The following SLC25A26 variants were observed in gnomAD, a reference collection of about 807,000 sequenced individuals.
SLC25A26 encodes solute carrier family 25 member 26.
A neutral mutation model predicts 37.8 loss-of-function variants in SLC25A26; 36 were observed. The observed-to-expected ratio is 0.95, with a 90% CI of 0.73 to 1.26. The LOEUF (loss-of-function observed/expected upper bound fraction) is 1.26. SLC25A26 is among the 50% of genes most tolerant of loss of function. The pLI is 0.00. For missense variants in SLC25A26, 390 were observed against 331.1 expected (o/e 1.18, Z -1.38); for synonymous variants, 129 against 122.5 (o/e 1.05, Z -0.35).
intron 1 of SLC25A26, among the ~76,000 whole-genome samples, chr3:66,157,160 G>C (rs1218371605): frequency 6.6e-6 from 1 of 152,172 alleles, no homozygotes; most frequent in African/African-American, 2.4e-5. Flanking sequence ...CTTGGGCCTG[G>C]GAGGTCGAGG....
intron 7 of SLC25A26, among the ~76,000 whole-genome samples, chr3:66,368,901 C>A (rs1700180609): frequency 6.6e-6 from 1 of 151,626 alleles, no homozygotes; most frequent in South Asian, 2.1e-4. Flanking sequence ...AGCTGTAGTC[C>A]CAGCTACTCA....
chr3:66,371,813 A>C (rs1195432396), intron 9 of SLC25A26, among the ~76,000 whole-genome samples: 1 of 152,128 alleles, frequency 6.6e-6, no homozygotes, highest in Non-Finnish European at 1.5e-5. Context: ...AAAGGTGCTT[A>C]GGGGCCGGGT....
chr3:66,310,603 ATT>A (rs1250606986), intron 5 of SLC25A26, among the ~76,000 whole-genome samples: 1 of 152,018 alleles, frequency 6.6e-6, no homozygotes, highest in Non-Finnish European at 1.5e-5. Flanking sequence ...GGTCTTTACA[ATT>A]TGTTGTTTTT....
At chr3:66,267,620 A>G (rs2073803913) in intron 5 of SLC25A26, among the ~76,000 whole-genome samples, 1 of 152,182 alleles carries the variant, frequency 6.6e-6, no homozygotes. Flanking sequence ...CATTTTAATA[A>G]CAAATAACTC....
chr3:66,317,689 C>G (rs1198521460), intron 5 of SLC25A26, among the ~76,000 whole-genome samples: 1 of 152,168 alleles, frequency 6.6e-6, no homozygotes, highest in Non-Finnish European at 1.5e-5. Context: ...GCTGCCCTGA[C>G]TCTCCAGAGC....
chr3:66,206,792 A>G (rs1432130826), intron 1 of SLC25A26, among the ~76,000 whole-genome samples: 2 of 144,316 alleles, frequency 1.4e-5, no homozygotes, highest in Non-Finnish European at 3.0e-5. Flanking sequence ...TGTAACCTCC[A>G]CCTCTTGGCC....
intron 1 of SLC25A26, among the ~76,000 whole-genome samples, chr3:66,148,224 A>T (rs2106684149): frequency 6.6e-6 from 1 of 152,188 alleles, no homozygotes; most frequent in Middle Eastern, 3.4e-3. Flanking sequence ...TCCTTTGCCC[A>T]CTTTTTGATG....
intron 3 of SLC25A26, among the ~76,000 whole-genome samples, chr3:66,245,658 T>C (rs1399171833): frequency 6.6e-6 from 1 of 152,242 alleles, no homozygotes; most frequent in Non-Finnish European, 1.5e-5. Flanking sequence ...GATGCACTTT[T>C]TTTCTTTAGG....
chr3:66,352,041 G>A (rs2076464844), intron 6 of SLC25A26, among the ~76,000 whole-genome samples: 1 of 151,888 alleles, frequency 6.6e-6, no homozygotes, highest in South Asian at 2.1e-4. Flanking sequence ...CTGAGCTCAG[G>A]AGTTTGAGAC....
Position 66,370,438 on chromosome 3 carries a change from C to T in SLC25A26, c.634-91C>T, listed in dbSNP as rs59621621. On this transcript the variant is annotated intron_variant, in intron 8 of 9. Transcript: ENST00000354883. The stretch of plus-strand genomic sequence containing the variant: ...GACACTGTGTTCTAGATGAGGGTGA[C>T]GGGGAGCTGTGTGTCTGAGGATATC... The T allele has an allele frequency of 0.075, 76,166 of 1,012,074 alleles. 3,534 individuals carry two copies. The highest frequency in any genetic ancestry group is 0.19 in the African/African-American group (11,807 of 63,466). 62.7% of individuals were successfully genotyped at this position (1,012,074 alleles called of 1,614,324 possible).
chr3:66,282,131 C>A (rs2074366599), intron 5 of SLC25A26, among the ~76,000 whole-genome samples: 1 of 151,648 alleles, frequency 6.6e-6, no homozygotes, highest in Admixed American at 6.6e-5. Context: ...CCTGCCTCAG[C>A]CTCCCGAGTA....
At chr3:66,178,322 A>C (rs985999941) in intron 1 of SLC25A26, among the ~76,000 whole-genome samples, 3 of 152,150 alleles carry the variant, frequency 2.0e-5, no homozygotes, top group African/African-American at 7.2e-5. Flanking sequence ...TGGAAGGGAT[A>C]GTCTGAAGTG....
In SLC25A26 at chr3:66,143,858, G is replaced by A. The variant is rs149532082; in HGVS notation, c.-354+9874G>A. 7.7e-3 allele frequency among the ~76,000 whole-genome samples: 1,174 copies of A among 152,244 alleles called. 13 individuals carry two copies. The highest frequency in any genetic ancestry group is 0.027 in the African/African-American group (1,109 of 41,540). On this transcript the variant is annotated intron_variant, in intron 1 of 10. Coordinates refer to the SLC25A26 transcript ENST00000676754. ...ATCGTGCCAGTGCACTCCAGCCTGG[G>A]CAACAGAGTAAGACCCTGTCTCAAA...
chr3:66,261,653 A>AT (rs1228871932), intron 3 of SLC25A26: 1 of 178,938 alleles, frequency 5.6e-6, no homozygotes, highest in East Asian at 1.8e-4. Flanking sequence ...CTACGGATGT[A>AT]TGCATTACTT....
At chr3:66,298,875 T>C (rs777262589) in intron 5 of SLC25A26, among the ~76,000 whole-genome samples, 1 of 152,252 alleles carries the variant, frequency 6.6e-6, no homozygotes, top group Non-Finnish European at 1.5e-5. Context: ...ATAGGTTGTT[T>C]CTATTTCATG....
chr3:66,206,640 A>G (rs1238145243), intron 1 of SLC25A26, among the ~76,000 whole-genome samples: 1 of 151,862 alleles, frequency 6.6e-6, no homozygotes, highest in African/African-American at 2.4e-5. Context: ...GACAGAGGAC[A>G]TTTCAGAATA....
chr3:66,194,978 C>G (rs1003215062), intron 1 of SLC25A26, among the ~76,000 whole-genome samples: 64 of 152,346 alleles, frequency 4.2e-4, no homozygotes, highest in African/African-American at 1.5e-3. Context: ...ACCCACTCCT[C>G]CCCTTGGTGG....
intron 5 of SLC25A26, among the ~76,000 whole-genome samples, chr3:66,328,745 A>C (rs2107671610): frequency 6.6e-6 from 1 of 152,272 alleles, no homozygotes; most frequent in East Asian, 1.9e-4. Flanking sequence ...TCTCTTTATA[A>C]GATTTTTCTT....
At chr3:66,209,891 TCTCTA>T (rs2071254558) in intron 1 of SLC25A26, among the ~76,000 whole-genome samples, 1 of 54,628 alleles carries the variant, frequency 1.8e-5, no homozygotes. Context: ...TCTCTCTCTC[TCTCTA>T]TTTATATATA....
Sources: allele counts gnomAD v4.1 joint callset (sites outside exome capture counted in the v4.1 genomes callset), GRCh38; gene constraint gnomAD v4.1.1; transcripts MANE v1.5; gene names NCBI Gene and HGNC (gene_info 2026-07-23, HGNC 2026-07-21).